The following ERC2 variants were observed in gnomAD, a reference collection of about 807,000 sequenced individuals.
The protein encoded by ERC2 is ELKS/RAB6-interacting/CAST family member 2.
ERC2 carries 42 observed loss-of-function variants against 114.8 expected under a neutral mutation model. The ratio of observed to expected loss-of-function variants is 0.37; its 90% CI spans 0.29 to 0.47. The LOEUF (loss-of-function observed/expected upper bound fraction) is 0.47, where lower values mean the gene tolerates loss of function less well. Among genes scored for constraint, ERC2 ranks in the 20% least tolerant of loss-of-function variants. The pLI is 0.99. For missense variants in ERC2, 939 were observed against 1,150.7 expected (o/e 0.82, Z 2.66); for synonymous variants, 454 against 425.5 (o/e 1.07, Z -0.82).
chr3:55,704,856 T>A (rs1178443761), intron 15 of ERC2, among the ~76,000 whole-genome samples: 3 of 152,238 alleles, frequency 2.0e-5, no homozygotes, highest in African/African-American at 7.2e-5. Context: ...CATCTGCAAC[T>A]GCAATGATGC....
At chr3:56,433,772 G>A (rs2061896844) in intron 2 of ERC2, 1 of 156,136 alleles carries the variant, frequency 6.4e-6, no homozygotes, top group African/African-American at 2.4e-5. Flanking sequence ...AATGCTGAAT[G>A]GATGAAGGCA....
chr3:55,630,412 A>AC (rs1210401083), intron 17 of ERC2, among the ~76,000 whole-genome samples: 2 of 151,622 alleles, frequency 1.3e-5, no homozygotes, highest in African/African-American at 4.8e-5. Flanking sequence ...CAGGTGATTC[A>AC]CCCGCCTCGA....
At chr3:56,209,085 C>A (rs2048906035) in intron 3 of ERC2, among the ~76,000 whole-genome samples, 1 of 152,144 alleles carries the variant, frequency 6.6e-6, no homozygotes, top group Admixed American at 6.5e-5. Context: ...TGGATCAAGT[C>A]CAAGCATCTC....
At chr3:56,126,807 GAAGGAAAGGAAAGGAAAGGA>G (rs772412464) in intron 6 of ERC2, among the ~76,000 whole-genome samples, 6 of 107,460 alleles carry the variant, frequency 5.6e-5, no homozygotes, top group Non-Finnish European at 1.1e-4. Flanking sequence ...AAAGGAAAGG[GAAGGAAAGGAAAGGAAAGGA>G]AAGGAAAGGA....
chr3:55,950,516 T>G lies in ERC2; in HGVS notation c.2312A>C (p.Asn771Thr), dbSNP rs777147551. 3.1e-6 allele frequency: 5 copies of G among 1,613,950 alleles called. No individual in the cohort carries two copies. The highest frequency in any genetic ancestry group is 4.2e-6 in the Non-Finnish European group (5 of 1,179,906). ...QNKKVANLKHNQQLEKKKNAQ... is the reference protein window; with the variant it reads ...QNKKVANLKHTQQLEKKKNAQ... ...ATTTTTCTTCTTTTCCAACTGTTGA[T>G]TGTGCTTGAGGTTGGCCACCTTCTT... Residue 771 changes from asparagine to threonine, a missense_variant, in exon 13 of 18, where the codon AAT (asparagine) becomes ACT (threonine). Around this residue, in one of 5 missense-constraint regions of ERC2, gnomAD observed 328 missense variants for 353.9 expected, o/e 0.93. Coordinates refer to ENST00000288221, the MANE Select transcript of ERC2 (RefSeq NM_015576.3).
At chr3:55,848,581 A>G (rs539179907) in intron 14 of ERC2, among the ~76,000 whole-genome samples, 30 of 152,168 alleles carry the variant, frequency 2.0e-4, no homozygotes, top group African/African-American at 7.2e-4. Flanking sequence ...ACTCCTATCC[A>G]TTCTCAACTC....
chr3:56,365,386 T>C (rs1402190698), intron 2 of ERC2, among the ~76,000 whole-genome samples: 1 of 152,236 alleles, frequency 6.6e-6, no homozygotes, highest in Non-Finnish European at 1.5e-5. Context: ...GGTTATCTCA[T>C]ATAGCCTAGG....
At chr3:55,845,814 T>TC in intron 14 of ERC2, among the ~76,000 whole-genome samples, 1 of 152,218 alleles carries the variant, frequency 6.6e-6, no homozygotes, top group South Asian at 2.1e-4. Flanking sequence ...ACTAAATTTT[T>TC]CAATAAGGCA....
intron 14 of ERC2, among the ~76,000 whole-genome samples, chr3:55,776,065 C>T (rs566403139): frequency 7.4e-4 from 112 of 152,194 alleles, no homozygotes; most frequent in African/African-American, 1.5e-3. Flanking sequence ...CAAGAGGGGG[C>T]CCTACTGTGA....
At chr3:56,412,985 G>T (rs1419525783) in intron 2 of ERC2, among the ~76,000 whole-genome samples, 2 of 152,198 alleles carry the variant, frequency 1.3e-5, no homozygotes, top group Non-Finnish European at 2.9e-5. Flanking sequence ...GTGGGGGTTG[G>T]ACATCAAGAG....
intron 2 of ERC2, among the ~76,000 whole-genome samples, chr3:56,385,733 G>T (rs879280350): frequency 1.3e-5 from 2 of 152,130 alleles, no homozygotes; most frequent in Non-Finnish European, 2.9e-5. Context: ...TGGCTATTAA[G>T]ACAATCCATA....
chr3:56,014,485 T>G (rs2073170628), intron 8 of ERC2, among the ~76,000 whole-genome samples: 1 of 152,146 alleles, frequency 6.6e-6, no homozygotes. Context: ...GATGAGGTAC[T>G]GAGACGCTGA....
At chr3:56,356,365 C>G (rs565840147) in intron 2 of ERC2, among the ~76,000 whole-genome samples, 1 of 152,180 alleles carries the variant, frequency 6.6e-6, no homozygotes, top group Non-Finnish European at 1.5e-5. Flanking sequence ...GTGGCCTGGG[C>G]TGAAGTTCAT....
At chr3:55,728,032 C>T (rs1454339504) in intron 15 of ERC2, among the ~76,000 whole-genome samples, 1 of 152,094 alleles carries the variant, frequency 6.6e-6, no homozygotes, top group Non-Finnish European at 1.5e-5. Flanking sequence ...AATTATGAGG[C>T]TAAGTCTTAC....
intron 17 of ERC2, among the ~76,000 whole-genome samples, chr3:55,543,880 A>T (rs1160857102): frequency 6.6e-6 from 1 of 152,022 alleles, no homozygotes. Context: ...ACCTCTCACC[A>T]CTAATCAACT....
chr3:55,578,817 G>A (rs2107552090), intron 17 of ERC2, among the ~76,000 whole-genome samples: 1 of 152,276 alleles, frequency 6.6e-6, no homozygotes, highest in Middle Eastern at 3.4e-3. Context: ...TTGGCTGGCT[G>A]TGACCTGGTC....
chr3:55,605,285 ATTT>A (rs1363243834), intron 17 of ERC2, among the ~76,000 whole-genome samples: 1 of 151,866 alleles, frequency 6.6e-6, no homozygotes, highest in Admixed American at 6.6e-5. Context: ...CTAGCCAATT[ATTT>A]TATTCTTTTG....
At chr3:56,143,192 G>C (rs2080959346) in intron 5 of ERC2, among the ~76,000 whole-genome samples, 1 of 152,180 alleles carries the variant, frequency 6.6e-6, no homozygotes, top group South Asian at 2.1e-4. Flanking sequence ...GCTTCATGTG[G>C]TGGTGGTAAT....
At chr3:56,164,583 T>C (rs2082227817) in intron 4 of ERC2, among the ~76,000 whole-genome samples, 1 of 152,102 alleles carries the variant, frequency 6.6e-6, no homozygotes. Flanking sequence ...TGCGGACATA[T>C]GTTTGCAATT....
Sources: gnomAD v4.1 joint callset for allele counts (sites outside exome capture counted in the v4.1 genomes callset) on GRCh38, gnomAD v4.1.1 for gene constraint, gnomAD v4.1.1 regional missense constraint, MANE v1.5 for transcripts, NCBI Gene and HGNC (gene_info 2026-07-23, HGNC 2026-07-21) for gene names.